CCDC141: variants seen among roughly 807,000 people sequenced by gnomAD.
CCDC141 encodes coiled-coil domain containing 141, also known as coiled-coil domain-containing protein 141.
A neutral mutation model predicts 181.0 loss-of-function variants in CCDC141; 168 were observed. The observed-to-expected ratio is 0.93, with a 90% confidence interval of 0.82 to 1.05. The LOEUF is 1.05. Among genes scored for constraint, CCDC141 ranks in the 50% least tolerant of loss-of-function variants. The pLI is 0.00. For missense variants in CCDC141, 1,902 were observed against 1,788.5 expected (o/e 1.06, Z -1.14); for synonymous variants, 666 against 642.3 (o/e 1.04, Z -0.56).
At chr2:178,977,467 A>G (rs1473428080) in intron 3 of CCDC141, among the ~76,000 whole-genome samples, 2 of 152,178 alleles carry the variant, frequency 1.3e-5, no homozygotes, top group Non-Finnish European at 2.9e-5. Flanking sequence ...TTCAGGGAAG[A>G]AAGATGGTGT....
At chr2:179,015,767 T>TCTC (rs1490247462) in intron 2 of CCDC141, among the ~76,000 whole-genome samples, 171 of 138,504 alleles carry the variant, frequency 1.2e-3, no homozygotes, top group African/African-American at 4.3e-3. Context: ...ATATATATCA[T>TCTC]ATATATCTCA....
intron 2 of CCDC141, among the ~76,000 whole-genome samples, chr2:179,027,660 A>G (rs1426996292): frequency 7.1e-6 from 1 of 141,050 alleles, no homozygotes; most frequent in Admixed American, 6.9e-5. Context: ...AAAAAAAAAA[A>G]AAAAAAAAAA....
intron 5 of CCDC141, among the ~76,000 whole-genome samples, chr2:178,959,855 T>C (rs192327169): frequency 1.7e-3 from 259 of 152,368 alleles, no homozygotes; most frequent in Admixed American, 5.2e-3. Flanking sequence ...ATTCCTTCTT[T>C]GATGAAAAGT....
intron 8 of CCDC141, among the ~76,000 whole-genome samples, chr2:178,892,558 C>G (rs1183611014): frequency 6.6e-6 from 1 of 152,102 alleles, no homozygotes; most frequent in Non-Finnish European, 1.5e-5. Flanking sequence ...AGCCCTGATT[C>G]CATCCTTTTC....
chr2:178,914,428 T>C (rs1347356783), intron 7 of CCDC141, among the ~76,000 whole-genome samples: 1 of 152,200 alleles, frequency 6.6e-6, no homozygotes. Flanking sequence ...AGCAAGTTCC[T>C]AATGCTGTCT....
At chr2:178,910,575 T>G (rs1415094939) in intron 7 of CCDC141, among the ~76,000 whole-genome samples, 1 of 152,228 alleles carries the variant, frequency 6.6e-6, no homozygotes, top group Non-Finnish European at 1.5e-5. Flanking sequence ...ACACATCACC[T>G]GAGAGAACTT....
At chr2:179,015,316 T>TCATATATGTATCATACATATCCC (rs1300762243) in intron 2 of CCDC141, among the ~76,000 whole-genome samples, 1 of 141,874 alleles carries the variant, frequency 7.0e-6, no homozygotes, top group African/African-American at 2.6e-5. Flanking sequence ...CATACATATC[T>TCATATATGTATCATACATATCCC]CATATATGTA....
At chr2:178,856,023 C>T (rs1685370523) in intron 18 of CCDC141, among the ~76,000 whole-genome samples, 1 of 152,150 alleles carries the variant, frequency 6.6e-6, no homozygotes, top group Admixed American at 6.6e-5. Context: ...TGGAAGTAGA[C>T]AGGTTGGGTT....
At chr2:178,974,936 G>C in intron 4 of CCDC141, 121 bp downstream of exon 4, 1 of 479,160 alleles carries the variant, frequency 2.1e-6, no homozygotes, top group South Asian at 4.9e-5. Flanking sequence ...ACTTTTCTTG[G>C]AACAAGCTGA....
rs755234494 is a variant in CCDC141, at chr2:178,868,693, G to A, written c.2394+424C>T. Among the ~76,000 whole-genome samples the A allele has an allele frequency of 9.9e-4, 150 of 151,502 alleles. 2 individuals are homozygous for A. The highest frequency in any genetic ancestry group is 1.3e-3 in the Non-Finnish European group (85 of 67,892). The stretch of plus-strand genomic sequence containing the variant: ...TTGGGGCGGGGGAGAGGGGGTGGGC[G>A]GGAAGCTATGCTTATCAAAAAGTAA... On this transcript the variant is annotated intron_variant, in intron 15 of 23. Coordinates refer to ENST00000443758, the MANE Select transcript of CCDC141 (RefSeq NM_173648.4).
chr2:178,978,489 A>C lies in CCDC141; in HGVS notation c.412T>G (p.Leu138Val), dbSNP rs936568265. 1 of 1,499,234 alleles carries C rather than the reference A, an allele frequency of 6.7e-7. No homozygotes were observed. The highest frequency in any genetic ancestry group is 2.4e-5 in the Admixed American group (1 of 41,776). The allele number at this position is 1,499,234 out of a possible 1,614,324, so 92.9% of individuals were successfully genotyped here. A position where few individuals can be genotyped will look rare whatever the true frequency, so the allele number is the denominator to read the frequency against. ...AAGTTTTTTAAAGTACAAACCTCTAAGGCATTTTCAAAAAATTCAGAAGTC... is the reference window on the plus strand; with the variant it reads ...AAGTTTTTTAAAGTACAAACCTCTACGGCATTTTCAAAAAATTCAGAAGTC... ...RLTSEFFENA[L>V]EFAIKIDQAE... The change falls in exon 3 of 24, where the codon TTA (leucine) becomes GTA (valine). Residue 138 changes from leucine to valine, a missense_variant. By Grantham distance (32) the Leu-to-Val change is conservative. Transcript: ENST00000443758.
At chr2:179,041,136 A>C (rs1347482655) in intron 2 of CCDC141, among the ~76,000 whole-genome samples, 2 of 151,866 alleles carry the variant, frequency 1.3e-5, no homozygotes, top group Non-Finnish European at 2.9e-5. Flanking sequence ...CAGTGGTGCG[A>C]TCTCGGCTCA....
intron 15 of CCDC141, 104 bp from the exon 16 acceptor site, chr2:178,868,309 C>T (rs1019261255): frequency 2.2e-6 from 2 of 889,160 alleles, no homozygotes; most frequent in Non-Finnish European, 3.5e-6. Context: ...CGAAATGCTG[C>T]CAAGCCCATC....
chr2:179,010,342 T>C (rs963184731), intron 2 of CCDC141, among the ~76,000 whole-genome samples: 12 of 152,170 alleles, frequency 7.9e-5, no homozygotes, highest in Admixed American at 2.6e-4. Flanking sequence ...CCTAGGTGCA[T>C]TGTCATCAAG....
At chr2:179,033,692 A>G (rs1233227227) in intron 2 of CCDC141, among the ~76,000 whole-genome samples, 1 of 152,178 alleles carries the variant, frequency 6.6e-6, no homozygotes, top group South Asian at 2.1e-4. Context: ...TTGTCATACT[A>G]ATAAGAACTA....
In CCDC141 at chr2:178,878,292, TTTA is replaced by T. The variant is rs1393222604; in HGVS notation, c.1720-152_1720-150del. ...ACATATTTATTTATTTATTTATTTA[TTTA>T]TTTATTTTATTTATTTTAAGAGATA... is the stretch of plus-strand genomic sequence containing the variant. On this transcript the variant is annotated intron_variant, in intron 11 of 23. Coordinates refer to ENST00000443758, the MANE Select transcript of CCDC141 (RefSeq NM_173648.4). The T allele has an allele frequency of 1.0e-3, 185 of 176,630 alleles. 1 individual carries two copies. Among genetic ancestry groups the T allele is most frequent in the Admixed American group, 4.4e-3 (47 of 10,764 alleles). 10.9% of individuals were successfully genotyped at this position (176,630 alleles called of 1,614,324 possible).
intron 7 of CCDC141, among the ~76,000 whole-genome samples, chr2:178,911,389 G>T (rs187636974): frequency 1.3e-5 from 2 of 152,306 alleles, no homozygotes; most frequent in Admixed American, 1.3e-4. Context: ...GAAGTTAAGT[G>T]ACTGCCCAAG....
intron 11 of CCDC141, among the ~76,000 whole-genome samples, chr2:178,884,000 C>T (rs1465648189): frequency 6.6e-6 from 1 of 151,952 alleles, no homozygotes; most frequent in East Asian, 1.9e-4. Context: ...TTCAAATGAA[C>T]CACACTAACT....
intron 17 of CCDC141, among the ~76,000 whole-genome samples, chr2:178,857,922 GA>G (rs1685454951): frequency 6.6e-6 from 1 of 152,126 alleles, no homozygotes; most frequent in African/African-American, 2.4e-5. Flanking sequence ...AAATTCTGCA[GA>G]CTGTGAAAAT....
Sources: gnomAD v4.1 joint callset for allele counts (sites outside exome capture counted in the v4.1 genomes callset) on GRCh38, gnomAD v4.1.1 for gene constraint, MANE v1.5 for transcripts, NCBI Gene and HGNC (gene_info 2026-07-23, HGNC 2026-07-21) for gene names.